The following HSD17B12 variants were observed in gnomAD, a reference collection of about 807,000 sequenced individuals.
HSD17B12 encodes the protein very-long-chain 3-oxoacyl-CoA reductase.
HSD17B12 carries 32 observed loss-of-function variants against 39.3 expected under a neutral mutation model. The ratio of observed to expected loss-of-function variants is 0.81; its 90% confidence interval spans 0.61 to 1.09. The LOEUF (loss-of-function observed/expected upper bound fraction) is 1.09, where lower values mean the gene tolerates loss of function less well. Ranked by LOEUF, HSD17B12 falls within the 50% of genes least tolerant of loss-of-function variation. The pLI, the probability that HSD17B12 is intolerant of heterozygous loss-of-function variation, is 0.00. For missense variants in HSD17B12, 342 were observed against 382.9 expected (o/e 0.89, Z 0.89); for synonymous variants, 150 against 146.7 (o/e 1.02, Z -0.16).
rs750069815 is a variant in HSD17B12, at chr11:43,723,602, A to G, written c.161-27309A>G. Among the ~76,000 whole-genome samples the G allele has an allele frequency of 1.1e-4, 17 of 152,202 alleles. No individual in the cohort carries two copies. In the South Asian group the frequency reaches 1.9e-3, roughly 17 times the overall value. ...CCTTTTTTAGAAAATGAAAATCATT[A>G]CACTTAAATTCAATGTATATTATAT... On this transcript the variant is annotated intron_variant, in intron 1 of 10. Coordinates refer to ENST00000278353, the MANE Select transcript of HSD17B12 (RefSeq NM_016142.3).
chr11:43,759,608 A>G (rs1445918126), intron 3 of HSD17B12, among the ~76,000 whole-genome samples: 1 of 152,238 alleles, frequency 6.6e-6, no homozygotes, highest in Admixed American at 6.5e-5. Context: ...GCAATAAAGC[A>G]TAATAAAAAG....
At chr11:43,588,610 C>CTATTATTATTATTATTATTATTAT in the HSD17B12 span, among the ~76,000 whole-genome samples, 73 of 144,982 alleles carry the variant, frequency 5.0e-4, no homozygotes, top group East Asian at 2.2e-3. Flanking sequence ...TTATTATTAG[C>CTATTATTATTATTATTATTATTAT]TATTATTATT....
chr11:43,794,446 TA>T (rs898988771), intron 3 of HSD17B12, among the ~76,000 whole-genome samples: 2 of 152,142 alleles, frequency 1.3e-5, no homozygotes, highest in East Asian at 1.9e-4. Context: ...AATAAGTTTT[TA>T]AAAAAGAAGA....
the HSD17B12 span, among the ~76,000 whole-genome samples, chr11:43,574,036 A>G: frequency 6.6e-6 from 1 of 152,230 alleles, no homozygotes; most frequent in African/African-American, 2.4e-5. Flanking sequence ...ACATGCATGC[A>G]TGTATGCAAT....
At chr11:43,580,340 G>T in the HSD17B12 span, among the ~76,000 whole-genome samples, 1 of 130,352 alleles carries the variant, frequency 7.7e-6, no homozygotes, top group African/African-American at 2.8e-5. Flanking sequence ...GCCCCTTGTT[G>T]TTCCCCCTAG....
chr11:43,837,718 T>C (rs2135125313), intron 7 of HSD17B12, among the ~76,000 whole-genome samples: 1 of 152,208 alleles, frequency 6.6e-6, no homozygotes, highest in Admixed American at 6.6e-5. Context: ...CCAGGGAAAG[T>C]AGAAGTAGAC....
intron 4 of HSD17B12, among the ~76,000 whole-genome samples, chr11:43,810,901 C>T (rs1162478675): frequency 6.6e-6 from 1 of 152,186 alleles, no homozygotes; most frequent in Non-Finnish European, 1.5e-5. Flanking sequence ...ATGTTTAATG[C>T]TAATTTAAGA....
chr11:43,829,861 G>A (rs1951290501), intron 6 of HSD17B12: 1 of 151,508 alleles, frequency 6.6e-6, no homozygotes, highest in South Asian at 2.1e-4. Flanking sequence ...CTGATGAAAT[G>A]TGCTAAATAA....
intron 6 of HSD17B12, among the ~76,000 whole-genome samples, chr11:43,816,848 T>C (rs527373190): frequency 7.2e-5 from 11 of 152,098 alleles, no homozygotes; most frequent in South Asian, 2.1e-4. Flanking sequence ...TTCCCACTTA[T>C]AAGTGAGAAC....
At chr11:43,571,271 A>G in the HSD17B12 span, among the ~76,000 whole-genome samples, 1 of 152,166 alleles carries the variant, frequency 6.6e-6, no homozygotes, top group African/African-American at 2.4e-5. Flanking sequence ...GTATCTCTAA[A>G]CATGCTGCAG....
At position 43,766,015 on chromosome 11, in the gene HSD17B12, C is replaced by T. The variant is rs182237088; in HGVS notation, c.283+11894C>T. 6.0e-3 allele frequency among the ~76,000 whole-genome samples: 916 copies of T among 152,170 alleles called. 18 individuals carry two copies. The East Asian group carries it at 0.079, about 13-fold the overall frequency. On this transcript the variant is annotated intron_variant, in intron 3 of 10. Transcript: ENST00000278353. ...TAATTTTTTGTATTTTTAGTAGAGA[C>T]GGGGTTTCACCATGTTAGCCAAGAT...
chr11:43,567,082 C>T, the HSD17B12 span, among the ~76,000 whole-genome samples: 1 of 152,212 alleles, frequency 6.6e-6, no homozygotes, highest in African/African-American at 2.4e-5. Flanking sequence ...TTCCCTCATC[C>T]TGTTGCTGTT....
chr11:43,657,883 G>T, the HSD17B12 span, among the ~76,000 whole-genome samples: 5 of 152,088 alleles, frequency 3.3e-5, no homozygotes, highest in Non-Finnish European at 7.4e-5. Flanking sequence ...ATGTGTCTTG[G>T]AGTTGCTCTT....
At chr11:43,561,401 G>A in the HSD17B12 span, among the ~76,000 whole-genome samples, 58 of 152,232 alleles carry the variant, frequency 3.8e-4, no homozygotes, top group African/African-American at 1.3e-3. Flanking sequence ...AGAGGAAGAC[G>A]GGCCTACATT....
At chr11:43,850,366 G>A (rs937807765) in intron 9 of HSD17B12, among the ~76,000 whole-genome samples, 8 of 152,112 alleles carry the variant, frequency 5.3e-5, no homozygotes, top group Non-Finnish European at 1.2e-4. Flanking sequence ...CTTCATAGGA[G>A]CCCCAGCTTC....
the HSD17B12 span, among the ~76,000 whole-genome samples, chr11:43,636,759 TTTTG>T: frequency 2.8e-4 from 43 of 152,294 alleles, no homozygotes; most frequent in African/African-American, 8.2e-4. Flanking sequence ...TAGATATTCT[TTTTG>T]TTTGTTTGTT....
At position 43,831,784 on chromosome 11, in the gene HSD17B12, C is replaced by A. The variant is rs1384424462; in HGVS notation, c.536+774C>A. Among the ~76,000 whole-genome samples the A allele has an allele frequency of 6.6e-6, 1 of 152,138 alleles. No homozygotes were observed. Among genetic ancestry groups the A allele is most frequent in the Non-Finnish European group, 1.5e-5 (1 of 68,018 alleles). On this transcript the variant is annotated intron_variant, in intron 7 of 10. Transcript: ENST00000278353. The surrounding 1 kb of genome is among the most constrained non-coding windows in gnomAD (Gnocchi z 4.1). Reference sequence around the variant, plus strand: ...AAAATAACTATGAGTTTGGAAGAGACCCAGAGGAATCACAGCTTTGAAAAG... The same window carrying A: ...AAAATAACTATGAGTTTGGAAGAGAACCAGAGGAATCACAGCTTTGAAAAG...
chr11:43,744,368 C>G (rs1011697858), intron 1 of HSD17B12, among the ~76,000 whole-genome samples: 2 of 151,508 alleles, frequency 1.3e-5, no homozygotes, highest in Non-Finnish European at 2.9e-5. Flanking sequence ...AAAAAAAAAG[C>G]AGGTTACATA....
At chr11:43,655,492 A>G in the HSD17B12 span, among the ~76,000 whole-genome samples, 10 of 152,136 alleles carry the variant, frequency 6.6e-5, no homozygotes, top group Non-Finnish European at 1.2e-4. Context: ...CCAGTTTTCA[A>G]AGGGAATGCT....
Sources: allele counts gnomAD v4.1 joint callset (sites outside exome capture counted in the v4.1 genomes callset), GRCh38; gene constraint gnomAD v4.1.1; non-coding constraint Gnocchi (gnomAD v3.1); transcripts MANE v1.5; gene names NCBI Gene and HGNC (gene_info 2026-07-23, HGNC 2026-07-21).